The following RPRD1B variants were observed in gnomAD, a reference collection of about 807,000 sequenced individuals.
RPRD1B encodes regulation of nuclear pre-mRNA domain containing 1B.
In RPRD1B, 11 loss-of-function variants were observed where a neutral mutation model predicts 41.5. The observed-to-expected ratio is 0.27, with a 90% CI of 0.17 to 0.44. The LOEUF is 0.44. Ranked by LOEUF, RPRD1B falls within the 20% of genes least tolerant of loss-of-function variation. RPRD1B has a pLI of 1.00. For synonymous variants in RPRD1B, 158 were observed against 155.6 expected (o/e 1.02, Z -0.12); for missense variants, 248 against 389.9 (o/e 0.64, Z 3.06).
intron 5 of RPRD1B, among the ~76,000 whole-genome samples, chr20:38,064,440 A>G (rs6063998): frequency 0.27 from 41,741 of 152,136 alleles, 7,905 homozygotes; most frequent in African/African-American, 0.55. Context: ...TCCATAGGGA[A>G]TGTCATGGAA....
intron 6 of RPRD1B, among the ~76,000 whole-genome samples, chr20:38,066,678 C>T (rs1224184400): frequency 2.0e-5 from 3 of 151,656 alleles, no homozygotes; most frequent in African/African-American, 2.4e-5. Context: ...TTTTTTGAGA[C>T]GCAGTCTCGC....
At chr20:38,068,789 A>G (rs940814094) in intron 6 of RPRD1B, among the ~76,000 whole-genome samples, 2 of 152,108 alleles carry the variant, frequency 1.3e-5, no homozygotes, top group East Asian at 1.9e-4. Flanking sequence ...TCACATCCCT[A>G]TGGTGGTGGC....
intron 4 of RPRD1B, among the ~76,000 whole-genome samples, chr20:38,058,787 A>C (rs984226950): frequency 2.6e-5 from 4 of 152,162 alleles, no homozygotes; most frequent in African/African-American, 9.7e-5. Context: ...GTTCACTGCA[A>C]ACTCAACCTC....
intron 3 of RPRD1B, among the ~76,000 whole-genome samples, chr20:38,050,868 G>A (rs2074178440): frequency 6.6e-6 from 1 of 152,188 alleles, no homozygotes; most frequent in South Asian, 2.1e-4. Flanking sequence ...CAACATGTGT[G>A]TTAGTCCCAG....
chr20:38,036,124 A>G (rs146182934), intron 1 of RPRD1B, among the ~76,000 whole-genome samples: 1 of 152,088 alleles, frequency 6.6e-6, no homozygotes, highest in Non-Finnish European at 1.5e-5. Context: ...TGAGTTACTG[A>G]AAAAAAGCAA....
intron 3 of RPRD1B, among the ~76,000 whole-genome samples, chr20:38,052,712 A>G (rs555500936): frequency 8.2e-4 from 124 of 150,590 alleles, no homozygotes; most frequent in Admixed American, 4.8e-3. Context: ...GATTGCGATC[A>G]ATTAGTTGTA....
chr20:38,036,794 A>T (rs191681941), intron 1 of RPRD1B, among the ~76,000 whole-genome samples: 1 of 152,240 alleles, frequency 6.6e-6, no homozygotes, highest in African/African-American at 2.4e-5. Flanking sequence ...GCTATGGAGC[A>T]CTTAAAATGT....
At chr20:38,034,566 A>G (rs1725931988) in intron 1 of RPRD1B, among the ~76,000 whole-genome samples, 1 of 152,100 alleles carries the variant, frequency 6.6e-6, no homozygotes, top group Non-Finnish European at 1.5e-5. Context: ...TCTCATCTGT[A>G]AGAGGGAGGC....
chr20:38,043,927 A>G (rs2074094965), intron 2 of RPRD1B, among the ~76,000 whole-genome samples: 1 of 152,230 alleles, frequency 6.6e-6, no homozygotes, highest in South Asian at 2.1e-4. Context: ...GCAGGTGGAT[A>G]AAATAGTCTG....
chr20:38,075,423 G>A (rs1256175570), intron 6 of RPRD1B, among the ~76,000 whole-genome samples: 1 of 152,144 alleles, frequency 6.6e-6, no homozygotes, highest in African/African-American at 2.4e-5. Flanking sequence ...TGTGAAAATA[G>A]CACATACTTC....
intron 1 of RPRD1B, among the ~76,000 whole-genome samples, chr20:38,034,327 C>G (rs976120478): frequency 6.6e-6 from 1 of 152,198 alleles, no homozygotes; most frequent in Non-Finnish European, 1.5e-5. Context: ...GTCCAGACTT[C>G]TAGTTCATCA....
chr20:38,052,330 G>A (rs527271833), intron 3 of RPRD1B, among the ~76,000 whole-genome samples: 2 of 152,282 alleles, frequency 1.3e-5, no homozygotes, highest in East Asian at 1.9e-4. Context: ...CAGTTTTTGT[G>A]CGAGGCTGGA....
intron 3 of RPRD1B, among the ~76,000 whole-genome samples, chr20:38,050,991 T>A (rs1237247197): frequency 6.6e-6 from 1 of 152,222 alleles, no homozygotes; most frequent in Non-Finnish European, 1.5e-5. Context: ...GAGTAGTCCT[T>A]TTATATTCCA....
At chr20:38,055,037 A>G (rs183010782) in intron 3 of RPRD1B, among the ~76,000 whole-genome samples, 33 of 152,348 alleles carry the variant, frequency 2.2e-4, no homozygotes, top group African/African-American at 7.5e-4. Flanking sequence ...GTGCAGGACT[A>G]TAACCATGAT....
intron 3 of RPRD1B, 21 bp from the exon 4 acceptor site, chr20:38,057,511 A>G: frequency 6.4e-7 from 1 of 1,569,076 alleles, no homozygotes; most frequent in Non-Finnish European, 8.8e-7. Context: ...ACTCAAATTT[A>G]TTACTTTCTC....
chr20:38,083,697 G>A (rs2074535147), intron 6 of RPRD1B, among the ~76,000 whole-genome samples: 1 of 152,150 alleles, frequency 6.6e-6, no homozygotes, highest in African/African-American at 2.4e-5. Context: ...GCATTTTGTC[G>A]TTTTTCCTTT....
chr20:38,068,503 C>T (rs773981193), intron 6 of RPRD1B, among the ~76,000 whole-genome samples: 17 of 152,270 alleles, frequency 1.1e-4, no homozygotes, highest in African/African-American at 3.1e-4. Flanking sequence ...ACCAATCCCC[C>T]GTCTCAGCCT....
At chr20:38,064,592 T>C (rs151298678) in intron 5 of RPRD1B, among the ~76,000 whole-genome samples, 2 of 152,332 alleles carry the variant, frequency 1.3e-5, no homozygotes, top group East Asian at 3.9e-4. Context: ...TAATTAATTA[T>C]ATCAGTTCTT....
chr20:38,087,485 G>C (rs1326601786), intron 6 of RPRD1B, among the ~76,000 whole-genome samples: 1 of 152,166 alleles, frequency 6.6e-6, no homozygotes, highest in Non-Finnish European at 1.5e-5. Context: ...GGGCTCCCTA[G>C]TTGCCAAGAG....
Sources: allele counts gnomAD v4.1 joint callset (sites outside exome capture counted in the v4.1 genomes callset), GRCh38; gene constraint gnomAD v4.1.1; transcripts MANE v1.5; gene names NCBI Gene and HGNC (gene_info 2026-07-23, HGNC 2026-07-21).